STAG1: variants seen among roughly 807,000 people sequenced by gnomAD.
STAG1 encodes STAG1 cohesin complex component.
A neutral mutation model predicts 170.9 loss-of-function variants in STAG1; 26 were observed. That is an observed-to-expected ratio of 0.15 (90% confidence interval 0.11 to 0.21). STAG1 has a LOEUF of 0.21. Ranked by LOEUF, STAG1 falls within the 10% of genes least tolerant of loss-of-function variation. STAG1 has a pLI of 1.00. For missense variants in STAG1, 964 were observed against 1,509.5 expected, an observed-to-expected ratio of 0.64 and a Z score of 5.99; for synonymous variants, 514 against 497.7, an observed-to-expected ratio of 1.03 and a Z score of -0.44.
intron 6 of STAG1, among the ~76,000 whole-genome samples, chr3:136,522,618 G>A (rs894629518): frequency 5.3e-5 from 8 of 151,832 alleles, no homozygotes; most frequent in South Asian, 2.1e-4. Context: ...TGTGCACAAC[G>A]TGCAGGTTTG....
chr3:136,424,625 G>A (rs1379542577), intron 16 of STAG1, among the ~76,000 whole-genome samples: 2 of 151,990 alleles, frequency 1.3e-5, no homozygotes, highest in Non-Finnish European at 1.5e-5. Context: ...GAGCCACTGC[G>A]CCCAGCCTGA....
chr3:136,630,904 G>A lies in STAG1; in HGVS notation c.-6C>T, dbSNP rs1422058852. On this transcript the variant is annotated 5_prime_UTR_variant, in exon 2 of 34. Coordinates refer to ENST00000383202, the MANE Select transcript of STAG1 (RefSeq NM_005862.3). ...GGTAATTCTGAAGTAATCATTGCTG[G>A]AGAGGTCCTTTCACAATGCAGCAAA... 6.4e-6 allele frequency: 10 copies of A among 1,564,518 alleles called. No individual in the cohort carries two copies. The highest frequency in any genetic ancestry group is 8.7e-6 in the Non-Finnish European group (10 of 1,153,056).
chr3:136,751,170 G>A (rs1935207330), intron 1 of STAG1, among the ~76,000 whole-genome samples: 1 of 144,942 alleles, frequency 6.9e-6, no homozygotes, highest in South Asian at 2.2e-4. Context: ...ATGACAAATT[G>A]CGTTTTTTTT....
At chr3:136,476,337 G>C (rs1450725843) in intron 10 of STAG1, among the ~76,000 whole-genome samples, 1 of 152,208 alleles carries the variant, frequency 6.6e-6, no homozygotes, top group African/African-American at 2.4e-5. Context: ...TCCCAGAAGA[G>C]CAGAGAGAAC....
At chr3:136,511,589 T>C (rs998364764) in intron 7 of STAG1, among the ~76,000 whole-genome samples, 3 of 152,072 alleles carry the variant, frequency 2.0e-5, no homozygotes, top group Admixed American at 2.0e-4. Context: ...AAGTGGGAGC[T>C]AAACGATGAG....
chr3:136,733,904 A>C (rs745700738), intron 1 of STAG1, among the ~76,000 whole-genome samples: 1 of 152,070 alleles, frequency 6.6e-6, no homozygotes, highest in Non-Finnish European at 1.5e-5. Context: ...TCAGGAGATC[A>C]AGACCATCCT....
intron 9 of STAG1, among the ~76,000 whole-genome samples, chr3:136,491,732 C>T (rs991722850): frequency 6.6e-6 from 1 of 152,194 alleles, no homozygotes; most frequent in Non-Finnish European, 1.5e-5. Flanking sequence ...GTGGCTCACA[C>T]TTGTAATCCC....
At chr3:136,470,137 G>A (rs373151364) in intron 12 of STAG1, among the ~76,000 whole-genome samples, 2 of 152,148 alleles carry the variant, frequency 1.3e-5, no homozygotes, top group African/African-American at 4.8e-5. Context: ...TGACAAATGG[G>A]ATCCAATTAA....
intron 6 of STAG1, among the ~76,000 whole-genome samples, chr3:136,532,069 A>G (rs1387022535): frequency 6.6e-6 from 1 of 152,146 alleles, no homozygotes; most frequent in Non-Finnish European, 1.5e-5. Context: ...AATACAACGG[A>G]TCAATAAAAT....
At chr3:136,666,311 A>G (rs1464127160) in intron 1 of STAG1, among the ~76,000 whole-genome samples, 1 of 152,034 alleles carries the variant, frequency 6.6e-6, no homozygotes, top group Non-Finnish European at 1.5e-5. Flanking sequence ...TTGGTCTTAT[A>G]AGACTCTTAA....
chr3:136,471,154 A>C (rs1386472805), intron 12 of STAG1, among the ~76,000 whole-genome samples: 3 of 151,196 alleles, frequency 2.0e-5, no homozygotes, highest in African/African-American at 7.3e-5. Flanking sequence ...TCAGTTCAGG[A>C]GTTAGCAGTT....
Position 136,474,367 on chromosome 3 carries a change from T to C in STAG1, c.1027-730A>G, listed in dbSNP as rs539044293. 2.0e-5 allele frequency among the ~76,000 whole-genome samples: 3 copies of C among 152,342 alleles called. No homozygotes were observed. The East Asian group carries it at 5.8e-4, about 29-fold the overall frequency. On this transcript the variant is annotated intron_variant, in intron 10 of 33. Coordinates refer to ENST00000383202, the MANE Select transcript of STAG1 (RefSeq NM_005862.3). Reference sequence around the variant, plus strand: ...CAACTAAATTTTAGTTCCAATTCTATATAATTTATTAGCTACATGCAAGAT... The same window carrying C: ...CAACTAAATTTTAGTTCCAATTCTACATAATTTATTAGCTACATGCAAGAT...
chr3:136,477,526 C>A, intron 9 of STAG1, 114 bp from the exon 10 acceptor site: 1 of 912,374 alleles, frequency 1.1e-6, no homozygotes, highest in South Asian at 2.7e-5. Context: ...TATTTGCATT[C>A]TGAATGGCCT....
At chr3:136,541,948 A>G (rs1256014573) in intron 6 of STAG1, among the ~76,000 whole-genome samples, 171 bp downstream of exon 6, 1 of 152,146 alleles carries the variant, frequency 6.6e-6, no homozygotes, top group African/African-American at 2.4e-5. Context: ...ACATAATCAA[A>G]TCTCCAAAGA....
At chr3:136,711,707 A>G (rs972428943) in intron 1 of STAG1, among the ~76,000 whole-genome samples, 1 of 152,204 alleles carries the variant, frequency 6.6e-6, no homozygotes, top group Non-Finnish European at 1.5e-5. Flanking sequence ...ATCTATGGAC[A>G]TGACTTATGA....
chr3:136,442,743 T>A (rs934903388), intron 15 of STAG1, among the ~76,000 whole-genome samples: 5 of 151,884 alleles, frequency 3.3e-5, no homozygotes, highest in African/African-American at 1.2e-4. Context: ...CAAATCAGCA[T>A]CAAGAAAACC....
chr3:136,527,733 T>C (rs1003129388), intron 6 of STAG1, among the ~76,000 whole-genome samples: 3 of 152,216 alleles, frequency 2.0e-5, no homozygotes, highest in African/African-American at 7.2e-5. Flanking sequence ...CCTTTGGTCT[T>C]TGATGATGTT....
At chr3:136,374,597 A>G (rs1211820200) in intron 23 of STAG1, among the ~76,000 whole-genome samples, 1 of 152,030 alleles carries the variant, frequency 6.6e-6, no homozygotes, top group East Asian at 1.9e-4. Flanking sequence ...AGCCTGGGCA[A>G]CAAGAGCAAA....
rs138518967 is a variant in STAG1 at position 136,434,020 on chromosome 3, A to G, written c.1547-361T>C. Among the ~76,000 whole-genome samples, 263 of 152,282 alleles carry G rather than the reference A, an allele frequency of 1.7e-3. 1 individual carries two copies. Among genetic ancestry groups the G allele is most frequent in the African/African-American group, 5.9e-3 (247 of 41,568 alleles). ...TGCCGTATGTTTTTAAAAACTTAAC[A>G]GACAATATTTTTCAAGTCAATACAC... On this transcript the variant is annotated intron_variant, in intron 15 of 33. Transcript: ENST00000383202.
Sources: gnomAD v4.1 joint callset for allele counts (sites outside exome capture counted in the v4.1 genomes callset) on GRCh38, gnomAD v4.1.1 for gene constraint, MANE v1.5 for transcripts, NCBI Gene and HGNC (gene_info 2026-07-23, HGNC 2026-07-21) for gene names.